Variants in BRINP3 observed in about 807,000 individuals in gnomAD.
BRINP3 encodes the protein BMP/retinoic acid-inducible neural-specific protein 3.
In BRINP3, 19 loss-of-function variants were observed where a neutral mutation model predicts 71.0. That is an observed-to-expected ratio of 0.27 (90% confidence interval 0.19 to 0.39). The LOEUF is 0.39. Ranked by LOEUF, BRINP3 falls within the 10% of genes least tolerant of loss-of-function variation. The pLI, the probability that BRINP3 is intolerant of heterozygous loss-of-function variation, is 1.00. For missense variants in BRINP3, 959 were observed against 940.8 expected, an observed-to-expected ratio of 1.02 and a Z score of -0.25; for synonymous variants, 380 against 337.7, an observed-to-expected ratio of 1.13 and a Z score of -1.37.
intron 2 of BRINP3, among the ~76,000 whole-genome samples, chr1:190,450,041 T>C (rs1675501694): frequency 1.3e-5 from 2 of 152,208 alleles, no homozygotes; most frequent in Admixed American, 1.3e-4. Flanking sequence ...TTTAATTGTG[T>C]CTCAAATATT....
intron 2 of BRINP3, among the ~76,000 whole-genome samples, chr1:190,431,407 G>A (rs898359282): frequency 2.0e-5 from 3 of 151,892 alleles, no homozygotes; most frequent in Admixed American, 1.3e-4. Context: ...TGCCCAGGCC[G>A]GAGTGCAGTG....
rs1204550021 is a variant in BRINP3, at chr1:190,212,974, G to A, written c.961+13108C>T. Among the ~76,000 whole-genome samples, 5 of 152,174 alleles carry A rather than the reference G, an allele frequency of 3.3e-5. No individual in the cohort carries two copies. In the East Asian group the frequency reaches 9.7e-4, roughly 30 times the overall value. On this transcript the variant is annotated intron_variant, in intron 6 of 7. Coordinates refer to ENST00000367462, the MANE Select transcript of BRINP3 (RefSeq NM_199051.3). ...GAAATTGGACCCAGGAAAGGAGGGA[G>A]GGGATAGTGTTAAGAAAAGCAAAAC...
chr1:190,126,945 G>T (rs1654133820), intron 7 of BRINP3, among the ~76,000 whole-genome samples: 1 of 151,742 alleles, frequency 6.6e-6, no homozygotes, highest in South Asian at 2.1e-4. Context: ...ATTTAACAAT[G>T]ATTACTCATG....
chr1:190,403,533 T>C (rs141741112), intron 2 of BRINP3, among the ~76,000 whole-genome samples: 2 of 152,290 alleles, frequency 1.3e-5, no homozygotes, highest in East Asian at 3.9e-4. Context: ...GGAAGCCAAA[T>C]GGTTTTATTC....
chr1:190,477,354 C>A (rs959013607), intron 1 of BRINP3, 94 bp downstream of exon 1: 2 of 151,594 alleles, frequency 1.3e-5, no homozygotes, highest in African/African-American at 4.9e-5. Flanking sequence ...CTGAAAGTAA[C>A]AAAAATGTGA....
intron 6 of BRINP3, among the ~76,000 whole-genome samples, chr1:190,202,816 T>A (rs1299066163): frequency 6.6e-6 from 1 of 152,134 alleles, no homozygotes; most frequent in Non-Finnish European, 1.5e-5. Flanking sequence ...CCCAGCCATG[T>A]AGAACTGTAA....
intron 7 of BRINP3, among the ~76,000 whole-genome samples, chr1:190,109,546 CTG>C (rs1652489104): frequency 6.6e-6 from 1 of 152,182 alleles, no homozygotes; most frequent in Non-Finnish European, 1.5e-5. Flanking sequence ...ACGCAGATAG[CTG>C]GACAAGCATC....
At chr1:190,425,239 T>C (rs1673627091) in intron 2 of BRINP3, among the ~76,000 whole-genome samples, 1 of 151,708 alleles carries the variant, frequency 6.6e-6, no homozygotes. Flanking sequence ...TACATAGATA[T>C]AAAATAATTG....
intron 2 of BRINP3, among the ~76,000 whole-genome samples, chr1:190,419,060 A>G (rs1457259130): frequency 6.6e-6 from 1 of 152,140 alleles, no homozygotes; most frequent in East Asian, 1.9e-4. Context: ...TACCATTTAT[A>G]AGCTGGAGGT....
chr1:190,395,899 T>TGG (rs1671535069), intron 2 of BRINP3, among the ~76,000 whole-genome samples: 1 of 151,670 alleles, frequency 6.6e-6, no homozygotes, highest in African/African-American at 2.4e-5. Context: ...CCACAGTATG[T>TGG]CCCTTCTAAC....
At chr1:190,111,135 G>C (rs1028913861) in intron 7 of BRINP3, among the ~76,000 whole-genome samples, 1 of 138,050 alleles carries the variant, frequency 7.2e-6, no homozygotes, top group South Asian at 2.4e-4. Flanking sequence ...CCGAGATTGG[G>C]CCACTGCACT....
chr1:190,135,531 T>G (rs1654897988), intron 7 of BRINP3, among the ~76,000 whole-genome samples: 1 of 152,086 alleles, frequency 6.6e-6, no homozygotes, highest in African/African-American at 2.4e-5. Flanking sequence ...ATTGTAGAAG[T>G]AGCCAGAAAT....
chr1:190,314,976 T>G (rs1048153926), intron 2 of BRINP3, among the ~76,000 whole-genome samples: 1 of 152,030 alleles, frequency 6.6e-6, no homozygotes, highest in Non-Finnish European at 1.5e-5. Flanking sequence ...GGGGCTAAAA[T>G]AGAAGTTAAA....
intron 2 of BRINP3, among the ~76,000 whole-genome samples, chr1:190,421,291 C>CATTATTATT (rs78369563): frequency 1.7e-3 from 230 of 132,048 alleles, no homozygotes; most frequent in South Asian, 3.0e-3. Context: ...ACAAGATTCT[C>CATTATTATT]ATTATTATTA....
At chr1:190,239,620 C>T (rs1333922539) in intron 4 of BRINP3, among the ~76,000 whole-genome samples, 7 of 151,956 alleles carry the variant, frequency 4.6e-5, no homozygotes, top group African/African-American at 7.2e-5. Context: ...ATGTACTTCG[C>T]TGTATAAATG....
chr1:190,338,875 T>A (rs1667465304), intron 2 of BRINP3, among the ~76,000 whole-genome samples: 1 of 151,876 alleles, frequency 6.6e-6, no homozygotes, highest in South Asian at 2.1e-4. Context: ...AACATAGTTA[T>A]CAATATATTC....
rs945595105 is a variant in BRINP3 at position 190,348,746 on chromosome 1, T to C, written c.237-66996A>G. Among the ~76,000 whole-genome samples, 5 of 152,168 alleles carry C rather than the reference T, an allele frequency of 3.3e-5. 1 individual carries two copies. The highest frequency in any genetic ancestry group is 7.4e-5 in the Non-Finnish European group (5 of 68,016). On this transcript the variant is annotated intron_variant, in intron 2 of 7. Coordinates refer to ENST00000367462, the MANE Select transcript of BRINP3 (RefSeq NM_199051.3). Reference sequence around the variant, plus strand: ...TGCATGTTTAGTTTTTGCCTTCACATACCCAGAGTAGGCAATTTGTATTTA... The same window carrying C: ...TGCATGTTTAGTTTTTGCCTTCACACACCCAGAGTAGGCAATTTGTATTTA...
At chr1:190,468,008 G>T (rs185148845) in intron 1 of BRINP3, among the ~76,000 whole-genome samples, 29 of 151,232 alleles carry the variant, frequency 1.9e-4, no homozygotes, top group Non-Finnish European at 3.9e-4. Context: ...AAATCATCTT[G>T]TTTGAACTTG....
At chr1:190,300,685 C>A (rs1016261198) in intron 2 of BRINP3, among the ~76,000 whole-genome samples, 148 of 152,134 alleles carry the variant, frequency 9.7e-4, no homozygotes, top group Middle Eastern at 3.4e-3. Flanking sequence ...CTCACACGGC[C>A]AGGTAGTCCA....
Sources: gnomAD v4.1 joint callset for allele counts (sites outside exome capture counted in the v4.1 genomes callset) on GRCh38, gnomAD v4.1.1 for gene constraint, MANE v1.5 for transcripts, NCBI Gene and HGNC (gene_info 2026-07-23, HGNC 2026-07-21) for gene names.